The following XIRP2 variants were observed in gnomAD, a reference collection of about 807,000 sequenced individuals.
XIRP2 encodes the protein xin actin-binding repeat-containing protein 2.
Under a neutral mutation model 277.0 loss-of-function variants are expected in XIRP2, and 236 were observed. That is an observed-to-expected ratio of 0.85 (90% confidence interval 0.77 to 0.95). The LOEUF is 0.95. XIRP2 is among the 40% of genes least tolerant of loss of function. XIRP2 has a pLI of 0.00. For synonymous variants in XIRP2, 1,490 were observed against 1,416.5 expected, an observed-to-expected ratio of 1.05 and a Z score of -1.17; for missense variants, 4,640 against 4,157.5, an observed-to-expected ratio of 1.12 and a Z score of -3.19.
intron 2 of XIRP2, among the ~76,000 whole-genome samples, chr2:167,037,518 G>GTGTGTGTGT (rs1553481077): frequency 1.1e-3 from 139 of 126,458 alleles, no homozygotes; most frequent in Admixed American, 2.6e-3. Flanking sequence ...TCATGTGGGG[G>GTGTGTGTGT]GTGTGTGTGT....
At chr2:167,183,205 A>G (rs1030561500) in intron 3 of XIRP2, among the ~76,000 whole-genome samples, 2 of 152,232 alleles carry the variant, frequency 1.3e-5, no homozygotes, top group East Asian at 3.8e-4. Flanking sequence ...GTAGACTAGG[A>G]TAAGACATAG....
At chr2:167,163,067 T>C (rs1692416905) in intron 3 of XIRP2, among the ~76,000 whole-genome samples, 1 of 152,180 alleles carries the variant, frequency 6.6e-6, no homozygotes, top group African/African-American at 2.4e-5. Context: ...AATTGATACA[T>C]TCATTATCTT....
At chr2:167,079,139 C>A (rs912974539) in intron 2 of XIRP2, among the ~76,000 whole-genome samples, 11 of 152,074 alleles carry the variant, frequency 7.2e-5, no homozygotes, top group Non-Finnish European at 1.5e-4. Flanking sequence ...GTTTCTAATT[C>A]TTTTTTGTGA....
At chr2:167,072,803 A>G (rs1439762476) in intron 2 of XIRP2, among the ~76,000 whole-genome samples, 2 of 152,196 alleles carry the variant, frequency 1.3e-5, no homozygotes, top group Non-Finnish European at 2.9e-5. Context: ...CAAAGCTGAT[A>G]GGAAACATTT....
intron 2 of XIRP2, among the ~76,000 whole-genome samples, chr2:166,968,379 G>T (rs1008315763): frequency 6.6e-6 from 1 of 151,552 alleles, no homozygotes; most frequent in Non-Finnish European, 1.5e-5. Flanking sequence ...AATATCATCA[G>T]TATTTTCTGA....
intron 3 of XIRP2, among the ~76,000 whole-genome samples, chr2:167,151,009 AG>A (rs1324122046): frequency 6.6e-6 from 1 of 152,136 alleles, no homozygotes; most frequent in Admixed American, 6.6e-5. Context: ...ACTTACGGAA[AG>A]GTTCACATAA....
intron 1 of XIRP2, among the ~76,000 whole-genome samples, chr2:166,900,652 A>C (rs1684358451): frequency 6.6e-6 from 1 of 152,004 alleles, no homozygotes; most frequent in African/African-American, 2.4e-5. Flanking sequence ...TGTTTTGTGA[A>C]GGTGGGATAC....
intron 3 of XIRP2, among the ~76,000 whole-genome samples, chr2:167,181,558 A>T (rs1381397278): frequency 6.6e-6 from 1 of 151,686 alleles, no homozygotes; most frequent in African/African-American, 2.4e-5. Context: ...GAAGGTTGAC[A>T]AGAAGCCTAT....
Position 166,984,106 on chromosome 2 carries a change from T to C in XIRP2, c.408+80216T>C, listed in dbSNP as rs146877263. 2.9e-3 allele frequency among the ~76,000 whole-genome samples: 449 copies of C among 152,338 alleles called. 4 individuals carry two copies. Among genetic ancestry groups the C allele is most frequent in the African/African-American group, 0.01 (418 of 41,580 alleles). ...TTGTTCAAGATGGCCATCTCAACTCTTACAATTCCCATTCATTCATTATTA... is the reference window on the plus strand; with the variant it reads ...TTGTTCAAGATGGCCATCTCAACTCCTACAATTCCCATTCATTCATTATTA... On this transcript the variant is annotated intron_variant, in intron 2 of 10. Coordinates refer to ENST00000409195, the MANE Select transcript of XIRP2 (RefSeq NM_152381.6).
At chr2:167,166,426 A>G (rs1290223944) in intron 3 of XIRP2, among the ~76,000 whole-genome samples, 1 of 152,154 alleles carries the variant, frequency 6.6e-6, no homozygotes, top group African/African-American at 2.4e-5. Flanking sequence ...AAGAATGTGT[A>G]TTGTGCTATT....
chr2:166,917,232 T>G (rs1413621028), intron 2 of XIRP2, among the ~76,000 whole-genome samples: 1 of 152,162 alleles, frequency 6.6e-6, no homozygotes, highest in Non-Finnish European at 1.5e-5. Context: ...TGAGTAATCT[T>G]TTAACATAAG....
chr2:167,057,273 A>T (rs190476690), intron 2 of XIRP2, among the ~76,000 whole-genome samples: 2 of 152,140 alleles, frequency 1.3e-5, no homozygotes, highest in Admixed American at 6.6e-5. Flanking sequence ...CAAACCAAAG[A>T]GTCCTAAGTT....
At chr2:167,132,643 C>T (rs756597210) in intron 2 of XIRP2, among the ~76,000 whole-genome samples, 12 of 152,174 alleles carry the variant, frequency 7.9e-5, no homozygotes, top group Non-Finnish European at 1.8e-4. Context: ...CTCTGCAGGC[C>T]ATCCAGCACC....
At chr2:167,187,086 A>G (rs1267591938) in intron 3 of XIRP2, among the ~76,000 whole-genome samples, 1 of 152,140 alleles carries the variant, frequency 6.6e-6, no homozygotes, top group Non-Finnish European at 1.5e-5. Context: ...ACTTTAATCC[A>G]TCCTTTTCCT....
chr2:167,142,157 A>G (rs1691738627), intron 3 of XIRP2, among the ~76,000 whole-genome samples: 1 of 152,206 alleles, frequency 6.6e-6, no homozygotes, highest in Non-Finnish European at 1.5e-5. Flanking sequence ...GAATAGGCCA[A>G]GAAAGGAGAG....
chr2:167,010,888 T>G (rs1433015016), intron 2 of XIRP2, among the ~76,000 whole-genome samples: 1 of 152,104 alleles, frequency 6.6e-6, no homozygotes, highest in Non-Finnish European at 1.5e-5. Context: ...TATTGGTGTA[T>G]AAGAATGCTT....
chr2:166,973,971 T>C (rs1302480283), intron 2 of XIRP2, among the ~76,000 whole-genome samples: 2 of 152,218 alleles, frequency 1.3e-5, no homozygotes, highest in Non-Finnish European at 2.9e-5. Context: ...GTCTCAGCAA[T>C]GGCAGAGTGC....
intron 2 of XIRP2, among the ~76,000 whole-genome samples, chr2:167,114,532 T>C (rs1267275095): frequency 6.6e-6 from 1 of 152,096 alleles, no homozygotes; most frequent in African/African-American, 2.4e-5. Flanking sequence ...GCCATGCTGG[T>C]GTGCTGCACC....
At chr2:167,112,537 ACCAGATATTTATAT>A (rs1690785523) in intron 2 of XIRP2, among the ~76,000 whole-genome samples, 1 of 148,198 alleles carries the variant, frequency 6.7e-6, no homozygotes, top group Admixed American at 6.8e-5. Flanking sequence ...ATATATATAT[ACCAGATATTTATAT>A]CTAGATATTT....
Sources: gnomAD v4.1 joint callset for allele counts (sites outside exome capture counted in the v4.1 genomes callset) on GRCh38, gnomAD v4.1.1 for gene constraint, MANE v1.5 for transcripts, NCBI Gene and HGNC (gene_info 2026-07-23, HGNC 2026-07-21) for gene names.